Variants in IQCK observed in about 807,000 individuals in gnomAD.
IQCK encodes IQ domain-containing protein K.
In IQCK, 29 loss-of-function variants were observed where a neutral mutation model predicts 28.1. The observed-to-expected ratio is 1.03, with a 90% CI of 0.77 to 1.41. IQCK has a LOEUF of 1.41. Among genes scored for constraint, IQCK ranks in the 40% most tolerant of loss-of-function variants. The pLI is 0.00. For missense variants in IQCK, 359 were observed against 314.7 expected, an observed-to-expected ratio of 1.14 and a Z score of -1.07; for synonymous variants, 113 against 115.1, an observed-to-expected ratio of 0.98 and a Z score of 0.12.
chr16:19,807,990 G>GT (rs1297256054), intron 7 of IQCK, among the ~76,000 whole-genome samples: 3 of 151,182 alleles, frequency 2.0e-5, no homozygotes, highest in Admixed American at 2.0e-4. Context: ...ATCCTGTTTT[G>GT]TTTTTTTTAA....
chr16:19,756,887 G>A (rs1048705614), intron 4 of IQCK, among the ~76,000 whole-genome samples: 3 of 136,082 alleles, frequency 2.2e-5, no homozygotes, highest in African/African-American at 9.4e-5. Flanking sequence ...ACAGAGCAAG[G>A]CTCCATGTCA....
At chr16:19,820,243 A>G (rs1396945458) in intron 7 of IQCK, among the ~76,000 whole-genome samples, 2 of 152,196 alleles carry the variant, frequency 1.3e-5, no homozygotes, top group Admixed American at 6.5e-5. Flanking sequence ...GCCAGGCGCA[A>G]TGGCTCAAGT....
chr16:19,832,187 A>G (rs1012121603), downstream of IQCK, among the ~76,000 whole-genome samples: 15 of 151,906 alleles, frequency 9.9e-5, 1 homozygote, highest in Admixed American at 8.6e-4. Context: ...GAAAGAAACC[A>G]TAGAAATTGT....
chr16:19,765,369 C>G (rs1176413577), intron 6 of IQCK, among the ~76,000 whole-genome samples: 1 of 151,900 alleles, frequency 6.6e-6, no homozygotes, highest in East Asian at 1.9e-4. Flanking sequence ...AAAACCCCGT[C>G]TCTACTAAAA....
intron 9 of IQCK, among the ~76,000 whole-genome samples, chr16:19,841,199 A>G (rs546572391): frequency 1.6e-4 from 24 of 152,234 alleles, no homozygotes; most frequent in Non-Finnish European, 2.8e-4. Flanking sequence ...TAAAAAAGGT[A>G]CCCACCTCAC....
intron 4 of IQCK, among the ~76,000 whole-genome samples, chr16:19,736,694 C>T (rs1210493826): frequency 6.6e-6 from 1 of 152,170 alleles, no homozygotes; most frequent in Non-Finnish European, 1.5e-5. Context: ...CTGAGTGCTG[C>T]ATCTTCCATT....
downstream of IQCK, chr16:19,827,332 A>G (rs2056162828): frequency 8.5e-6 from 5 of 586,160 alleles, no homozygotes; most frequent in Non-Finnish European, 1.5e-5. Flanking sequence ...TTACAGGGCC[A>G]TTTCTCTCCC....
chr16:19,721,606 G>C (rs560079479), intron 1 of IQCK, among the ~76,000 whole-genome samples: 1 of 143,926 alleles, frequency 6.9e-6, no homozygotes, highest in Non-Finnish European at 1.5e-5. Flanking sequence ...TTTTTTTTGA[G>C]ATGAAGTCTG....
rs138651763 is a variant in IQCK, at chr16:19,718,448, G to T, written c.142G>T (p.Glu48Ter). The change falls in exon 1 of 8, where the codon GAG (glutamate) becomes TAG (stop). Residue 48 changes from glutamate (E) to a stop codon, truncating the protein, a stop_gained. Transcript: ENST00000564186. LOFTEE classifies it high-confidence loss of function. Reference sequence around the variant, plus strand: ...GCCTGTCTCGTCGTGGCAGGTCACCGAGCCGTCAAGCAAGAATCTGTGGGA... The same window carrying T: ...GCCTGTCTCGTCGTGGCAGGTCACCTAGCCGTCAAGCAAGAATCTGTGGGA... 6.2e-7 allele frequency: 1 copy of T among 1,606,942 alleles called. No homozygotes were observed. The highest frequency in any genetic ancestry group is 1.1e-5 in the South Asian group (1 of 89,460).
At chr16:19,761,901 A>G (rs1176554063) in intron 4 of IQCK, 1 of 155,484 alleles carries the variant, frequency 6.4e-6, no homozygotes, top group African/African-American at 2.4e-5. Context: ...GGCTTAAGGA[A>G]GTCAGCAAAG....
At chr16:19,748,875 A>G (rs1243948614) in intron 4 of IQCK, among the ~76,000 whole-genome samples, 1 of 152,232 alleles carries the variant, frequency 6.6e-6, no homozygotes, top group Non-Finnish European at 1.5e-5. Context: ...AACTGCTAGA[A>G]TCACATCCTG....
intron 1 of IQCK, among the ~76,000 whole-genome samples, chr16:19,718,918 G>A (rs1977369975): frequency 1.3e-5 from 2 of 152,196 alleles, no homozygotes; most frequent in African/African-American, 4.8e-5. Context: ...AGCACCCCAG[G>A]TAATCCTAAC....
chr16:19,805,184 G>T (rs776530392), intron 7 of IQCK, among the ~76,000 whole-genome samples: 1 of 152,042 alleles, frequency 6.6e-6, no homozygotes. Context: ...GTTGGTTGTC[G>T]TTTCTGGCTG....
At chr16:19,718,688 A>G (rs1005943333) in intron 1 of IQCK, among the ~76,000 whole-genome samples, 3 of 152,324 alleles carry the variant, frequency 2.0e-5, no homozygotes, top group South Asian at 2.1e-4. Flanking sequence ...GCGGACTCCA[A>G]TCGCGATCCG....
intron 4 of IQCK, among the ~76,000 whole-genome samples, chr16:19,745,910 C>T (rs1445657295): frequency 6.6e-6 from 1 of 152,198 alleles, no homozygotes; most frequent in East Asian, 1.9e-4. Context: ...AGCCCAGCTC[C>T]TTTACAGCGT....
At chr16:19,762,606 C>T (rs1219036817) in intron 4 of IQCK, among the ~76,000 whole-genome samples, 1 of 152,172 alleles carries the variant, frequency 6.6e-6, no homozygotes, top group Non-Finnish European at 1.5e-5. Context: ...TTTCATCTAA[C>T]ACAAGCAATC....
intron 1 of IQCK, among the ~76,000 whole-genome samples, chr16:19,727,332 G>A (rs560465790): frequency 1.3e-5 from 2 of 151,780 alleles, no homozygotes; most frequent in South Asian, 4.2e-4. Context: ...AAATACATTG[G>A]AATCCTACCA....
intron 7 of IQCK, among the ~76,000 whole-genome samples, chr16:19,802,561 T>G (rs1259059647): frequency 7.8e-6 from 1 of 127,418 alleles, no homozygotes; most frequent in African/African-American, 3.1e-5. Flanking sequence ...TTGGCTGTTG[T>G]TGTTATTGTT....
At chr16:19,729,630 AT>A (rs1423037274) in intron 1 of IQCK, among the ~76,000 whole-genome samples, 2 of 151,074 alleles carry the variant, frequency 1.3e-5, no homozygotes, top group African/African-American at 2.4e-5. Context: ...ATTTTATTTT[AT>A]TTTATTTATT....
Sources: allele counts gnomAD v4.1 joint callset (sites outside exome capture counted in the v4.1 genomes callset), GRCh38; gene constraint gnomAD v4.1.1; transcripts MANE v1.5; gene names NCBI Gene and HGNC (gene_info 2026-07-23, HGNC 2026-07-21).